The following ABCA12 variants were observed in gnomAD, a reference collection of about 807,000 sequenced individuals.
The protein encoded by ABCA12 is glucosylceramide transporter ABCA12.
ABCA12 carries 156 observed loss-of-function variants against 293.5 expected under a neutral mutation model. The observed-to-expected ratio is 0.53, with a 90% CI of 0.47 to 0.61. The LOEUF is 0.61. ABCA12 is among the 20% of genes least tolerant of loss of function. The probability of loss-of-function intolerance (pLI) is 0.00; values close to 1 mark genes in which losing one functional copy is unlikely to be tolerated. For synonymous variants in ABCA12, 1,063 were observed against 1,108.0 expected (o/e 0.96, Z 0.81); for missense variants, 2,797 against 3,090.2 (o/e 0.91, Z 2.25).
At chr2:215,040,892 G>T (rs1701086419) in intron 7 of ABCA12, among the ~76,000 whole-genome samples, 2 of 152,116 alleles carry the variant, frequency 1.3e-5, no homozygotes, top group East Asian at 1.9e-4. Context: ...AAAAAGGGGG[G>T]GTGTGAATAT....
chr2:215,126,284 T>G (rs575140111), intron 1 of ABCA12, among the ~76,000 whole-genome samples: 1 of 152,258 alleles, frequency 6.6e-6, no homozygotes, highest in Admixed American at 6.5e-5. Context: ...TTCCTGGTTT[T>G]GGTATTAAGA....
intron 2 of ABCA12, among the ~76,000 whole-genome samples, chr2:215,104,374 G>A (rs1702419944): frequency 6.6e-6 from 1 of 152,222 alleles, no homozygotes; most frequent in Admixed American, 6.5e-5. Context: ...TTGTCATCGT[G>A]TTAGCTGGCA....
At chr2:215,134,444 G>T (rs555797645) in intron 1 of ABCA12, among the ~76,000 whole-genome samples, 1 of 139,860 alleles carries the variant, frequency 7.2e-6, no homozygotes, top group Non-Finnish European at 1.5e-5. Flanking sequence ...GTATATATAC[G>T]TATATATGTA....
Position 214,979,048 on chromosome 2 carries a change from A to G in ABCA12, c.4741-8T>C. The G allele has an allele frequency of 6.2e-7, 1 of 1,611,862 alleles. No individual in the cohort carries two copies. Among genetic ancestry groups the G allele is most frequent in the African/African-American group, 1.3e-5 (1 of 74,978 alleles). ...TGCATTTAAATTTGGACTCTAAGAG[A>G]GAAAAGTAGGAATTAAAACACTCTC... On this transcript the variant is annotated splice_polypyrimidine_tract_variant and splice_region_variant and intron_variant, in intron 31 of 52. Transcript: ENST00000272895.
chr2:215,111,826 T>C (rs1702577048), intron 1 of ABCA12, 136 bp from the exon 2 acceptor site: 3 of 675,406 alleles, frequency 4.4e-6, no homozygotes, highest in Admixed American at 2.9e-5. Flanking sequence ...ATATTATTAA[T>C]AAAAAGTGAA....
chr2:215,023,506 A>AT (rs1353022668), intron 11 of ABCA12: 2 of 152,164 alleles, frequency 1.3e-5, no homozygotes, highest in African/African-American at 4.8e-5. Flanking sequence ...GTTTTAAATT[A>AT]TTTTTAGCCC....
At chr2:214,977,569 C>T (rs1699546578) in intron 33 of ABCA12, among the ~76,000 whole-genome samples, 1 of 152,166 alleles carries the variant, frequency 6.6e-6, no homozygotes, top group Admixed American at 6.5e-5. Flanking sequence ...TTACTCTATG[C>T]TTCCTTAAGT....
At position 214,945,181 on chromosome 2, in the gene ABCA12, TC is replaced by T. The variant is rs1195852131; in HGVS notation, c.7240-78del. 5 of 1,147,738 alleles carry T rather than the reference TC, an allele frequency of 4.4e-6. No homozygotes were observed. The African/African-American group carries it at 7.6e-5, about 18-fold the overall frequency. The allele number at this position is 1,147,738 out of a possible 1,614,324, so 71.1% of individuals were successfully genotyped here. A position where few individuals can be genotyped will look rare whatever the true frequency, so the allele number is the denominator to read the frequency against. Reference sequence around the variant, plus strand: ...AGTTCTTTTCATGAATTACTGCATTTCACTTCCCTAGAACAGAAATACTTTT... The same window carrying T: ...AGTTCTTTTCATGAATTACTGCATTTACTTCCCTAGAACAGAAATACTTTT... On this transcript the variant is annotated intron_variant, in intron 48 of 52. Transcript: ENST00000272895.
At chr2:215,041,843 C>T (rs891811698) in intron 7 of ABCA12, among the ~76,000 whole-genome samples, 2 of 152,126 alleles carry the variant, frequency 1.3e-5, no homozygotes, top group African/African-American at 4.8e-5. Flanking sequence ...AAAAAGAATG[C>T]ATTTTGAAAT....
intron 1 of ABCA12, among the ~76,000 whole-genome samples, chr2:215,116,981 G>T (rs1702699958): frequency 6.6e-6 from 1 of 152,142 alleles, no homozygotes; most frequent in Non-Finnish European, 1.5e-5. Context: ...CTATATAAAG[G>T]CCACAGTTCC....
At chr2:215,102,397 G>A (rs1293865296) in intron 2 of ABCA12, among the ~76,000 whole-genome samples, 14 of 152,098 alleles carry the variant, frequency 9.2e-5, no homozygotes, top group African/African-American at 2.7e-4. Flanking sequence ...TCAGGAGTTC[G>A]AAACCAGCCT....
chr2:215,108,137 C>A (rs1702500407), intron 2 of ABCA12, among the ~76,000 whole-genome samples: 1 of 152,116 alleles, frequency 6.6e-6, no homozygotes, highest in Non-Finnish European at 1.5e-5. Context: ...CTCTATTGCC[C>A]AACTAGCACT....
intron 48 of ABCA12, among the ~76,000 whole-genome samples, chr2:214,945,742 A>AAACT (rs1450622446): frequency 6.6e-6 from 1 of 152,226 alleles, no homozygotes; most frequent in African/African-American, 2.4e-5. Flanking sequence ...ATGGTTAAAC[A>AAACT]AACTATAGGG....
In ABCA12 at chr2:214,955,455, G is replaced by T; in HGVS notation, c.6234-94C>A. 3.1e-6 allele frequency: 4 copies of T among 1,298,112 alleles called. No homozygotes were observed. In the South Asian group the frequency reaches 3.7e-5, roughly 12 times the overall value. The allele number at this position is 1,298,112 out of a possible 1,614,324, so 80.4% of individuals were successfully genotyped here. On this transcript the variant is annotated intron_variant, in intron 42 of 52. Coordinates refer to ENST00000272895, the MANE Select transcript of ABCA12 (RefSeq NM_173076.3). ...CTAACACTTTAGGAGGCTGAGGCAG[G>T]TGGATCACTTGAGCCCAGGAGTTTG...
rs1249283547 is a variant in ABCA12, at chr2:214,983,829, G to T, written c.4200C>A (p.Gly1400=). The T allele has an allele frequency of 6.2e-7, 1 of 1,613,886 alleles. No homozygotes were observed. Among genetic ancestry groups the T allele is most frequent in the East Asian group, 2.2e-5 (1 of 44,874 alleles). Residue 1400 remains glycine (G), a synonymous_variant, in exon 29 of 53, where the codon GGC becomes GGA. Transcript: ENST00000272895. ...TATCTTTTCCATATACAAAAATGGT[G>T]CCTGCTGAGGCCCCAAACAGCCCAG... is the stretch of plus-strand genomic sequence containing the variant. The part of the protein sequence containing the change: ...MLTGLFGASA[G]TIFVYGKDIK...
At chr2:214,968,655 T>C in intron 38 of ABCA12, 65 bp downstream of exon 38, 2 of 1,506,626 alleles carry the variant, frequency 1.3e-6, no homozygotes, top group African/African-American at 1.4e-5. Context: ...TTCATGAAAA[T>C]GATTAAACAT....
chr2:215,126,879 C>T (rs1234037654), intron 1 of ABCA12, among the ~76,000 whole-genome samples: 2 of 151,744 alleles, frequency 1.3e-5, no homozygotes, highest in African/African-American at 4.8e-5. Flanking sequence ...TGAGGTGTGA[C>T]CTTAGAGTGT....
At chr2:215,075,080 C>T (rs1041119713) in intron 2 of ABCA12, among the ~76,000 whole-genome samples, 1 of 152,066 alleles carries the variant, frequency 6.6e-6, no homozygotes, top group African/African-American at 2.4e-5. Context: ...AGTGTATTTA[C>T]CCCCCACCAC....
At position 214,987,574 on chromosome 2, in the gene ABCA12, T is replaced by C. The variant is rs1321889126; in HGVS notation, c.3976+73A>G. 4.6e-6 allele frequency: 7 copies of C among 1,534,078 alleles called. No individual in the cohort carries two copies. In the Admixed American group the frequency reaches 6.4e-5, roughly 14 times the overall value. On this transcript the variant is annotated intron_variant, in intron 27 of 52. Coordinates refer to ENST00000272895, the MANE Select transcript of ABCA12 (RefSeq NM_173076.3). ...AATTTTGCCATTTAGAAAAAAATAA[T>C]TGAAACTACTAGTCATGTAATTTCA...
Sources: gnomAD v4.1 joint callset for allele counts (sites outside exome capture counted in the v4.1 genomes callset) on GRCh38, gnomAD v4.1.1 for gene constraint, MANE v1.5 for transcripts, NCBI Gene and HGNC (gene_info 2026-07-23, HGNC 2026-07-21) for gene names.